Variants in THEMIS observed in about 807,000 individuals in gnomAD.
THEMIS encodes protein THEMIS.
In THEMIS, 37 loss-of-function variants were observed where a neutral mutation model predicts 52.6. That is an observed-to-expected ratio of 0.70 (90% CI 0.54 to 0.93). The LOEUF (loss-of-function observed/expected upper bound fraction) is 0.93. Ranked by LOEUF, THEMIS falls within the 40% of genes least tolerant of loss-of-function variation. The pLI, the probability that THEMIS is intolerant of heterozygous loss-of-function variation, is 0.00. For missense variants in THEMIS, 808 were observed against 763.1 expected, an observed-to-expected ratio of 1.06 and a Z score of -0.69; for synonymous variants, 292 against 272.7, an observed-to-expected ratio of 1.07 and a Z score of -0.70.
intron 3 of THEMIS, among the ~76,000 whole-genome samples, chr6:127,828,806 T>C (rs946926901): frequency 1.3e-5 from 2 of 152,016 alleles, no homozygotes; most frequent in Non-Finnish European, 2.9e-5. Context: ...ACAAAAAAAT[T>C]AGCTGAACAT....
chr6:127,915,949 C>T (rs1275738983), intron 1 of THEMIS, among the ~76,000 whole-genome samples: 1 of 152,054 alleles, frequency 6.6e-6, no homozygotes, highest in Non-Finnish European at 1.5e-5. Context: ...ATTGTGCCAC[C>T]ACAATCCAGC....
intron 1 of THEMIS, among the ~76,000 whole-genome samples, chr6:127,889,096 C>A (rs1780729079): frequency 6.6e-6 from 1 of 152,012 alleles, no homozygotes; most frequent in African/African-American, 2.4e-5. Flanking sequence ...ATGTTCTCTG[C>A]TAATTATAGT....
At chr6:127,704,612 C>T (rs911716666), downstream of THEMIS, among the ~76,000 whole-genome samples, 1 of 152,152 alleles carries the variant, frequency 6.6e-6, no homozygotes, top group East Asian at 1.9e-4. Flanking sequence ...AATCATATGA[C>T]TGAAACTGCC....
intron 4 of THEMIS, among the ~76,000 whole-genome samples, chr6:127,789,892 C>G (rs1051219196): frequency 6.6e-6 from 1 of 152,064 alleles, no homozygotes; most frequent in Non-Finnish European, 1.5e-5. Context: ...TAATAAGAGC[C>G]ATTTATGACA....
intron 2 of THEMIS, among the ~76,000 whole-genome samples, chr6:127,849,527 T>G (rs1440140720): frequency 1.3e-5 from 2 of 151,932 alleles, no homozygotes; most frequent in Non-Finnish European, 2.9e-5. Context: ...AACAACATAG[T>G]ACTTGTATGA....
chr6:127,731,801 G>A (rs1309966620), intron 4 of THEMIS, among the ~76,000 whole-genome samples: 3 of 143,272 alleles, frequency 2.1e-5, no homozygotes, highest in African/African-American at 7.8e-5. Context: ...AGGTTCAAGC[G>A]ATTCTCCTGC....
chr6:127,705,375 T>C (rs190628933), downstream of THEMIS, among the ~76,000 whole-genome samples: 44 of 152,316 alleles, frequency 2.9e-4, no homozygotes. Context: ...CAGATATTAC[T>C]GTAAGTCATG....
At chr6:127,825,827 A>G (rs1778488911) in intron 3 of THEMIS, among the ~76,000 whole-genome samples, 1 of 151,680 alleles carries the variant, frequency 6.6e-6, no homozygotes, top group East Asian at 1.9e-4. Context: ...CTTTTTTTAT[A>G]GAGTTGAAGA....
intron 1 of THEMIS, among the ~76,000 whole-genome samples, chr6:127,890,644 T>G (rs1344999301): frequency 6.6e-6 from 1 of 152,124 alleles, no homozygotes; most frequent in African/African-American, 2.4e-5. Flanking sequence ...GTATCCTAAT[T>G]ACTCTAACTT....
chr6:127,880,176 C>A (rs1015188517), intron 1 of THEMIS, among the ~76,000 whole-genome samples: 1 of 152,082 alleles, frequency 6.6e-6, no homozygotes, highest in African/African-American at 2.4e-5. Context: ...CCACAGCATA[C>A]AACAGGTGCT....
intron 4 of THEMIS, among the ~76,000 whole-genome samples, chr6:127,773,889 A>G (rs1015140528): frequency 6.6e-6 from 1 of 152,244 alleles, no homozygotes; most frequent in South Asian, 2.1e-4. Context: ...AGGCCCAGTT[A>G]TCTATTGCTG....
intron 4 of THEMIS, among the ~76,000 whole-genome samples, chr6:127,811,706 C>T (rs906318438): frequency 6.6e-6 from 1 of 152,162 alleles, no homozygotes; most frequent in Non-Finnish European, 1.5e-5. Flanking sequence ...TTTCTCATTT[C>T]ATTTCTCACT....
chr6:127,747,370 T>A (rs1290341222), intron 4 of THEMIS, among the ~76,000 whole-genome samples: 2 of 144,000 alleles, frequency 1.4e-5, no homozygotes, highest in Non-Finnish European at 3.0e-5. Context: ...AATATAATAT[T>A]ATATTATATA....
chr6:127,868,446 T>G, intron 1 of THEMIS: 1 of 985,384 alleles, frequency 1.0e-6, no homozygotes, highest in Non-Finnish European at 1.2e-6. Context: ...AGATTGGGGA[T>G]AAAGACACCT....
chr6:127,903,865 G>A (rs1456430915), upstream of THEMIS, among the ~76,000 whole-genome samples: 3 of 151,918 alleles, frequency 2.0e-5, no homozygotes, highest in South Asian at 4.1e-4. Flanking sequence ...ATCTGACCAC[G>A]TTTTCTACCA....
At chr6:127,762,020 T>G (rs940451563) in intron 4 of THEMIS, among the ~76,000 whole-genome samples, 1 of 152,142 alleles carries the variant, frequency 6.6e-6, no homozygotes, top group Non-Finnish European at 1.5e-5. Flanking sequence ...TACTGATTAA[T>G]GAATGGATAA....
chr6:127,915,586 A>AAGAGAGAGAGAGAGAGAG (rs34353449), intron 1 of THEMIS, among the ~76,000 whole-genome samples: 14 of 140,438 alleles, frequency 1.0e-4, no homozygotes, highest in African/African-American at 3.8e-4. Context: ...GTCAGAGAGA[A>AAGAGAGAGAGAGAGAGAG]AGAGAGAGAG....
chr6:127,870,666 C>G (rs574878473), intron 1 of THEMIS, among the ~76,000 whole-genome samples: 11 of 151,962 alleles, frequency 7.2e-5, no homozygotes, highest in Admixed American at 4.6e-4. Flanking sequence ...GAATATTTAT[C>G]AACAGAAAGC....
intron 2 of THEMIS, among the ~76,000 whole-genome samples, chr6:127,837,423 G>A (rs1362065803): frequency 4.6e-5 from 7 of 151,996 alleles, no homozygotes; most frequent in African/African-American, 9.7e-5. Context: ...ATGGTCTGTC[G>A]TAAGCTAATC....
Sources: gnomAD v4.1 joint callset for allele counts (sites outside exome capture counted in the v4.1 genomes callset) on GRCh38, gnomAD v4.1.1 for gene constraint, MANE v1.5 for transcripts, NCBI Gene and HGNC (gene_info 2026-07-23, HGNC 2026-07-21) for gene names.